Variants in ARHGEF10 observed in about 807,000 individuals in gnomAD.
ARHGEF10 encodes the protein Rho guanine nucleotide exchange factor 10, also known as Rho guanine nucleotide exchange factor (GEF) 10.
A neutral mutation model predicts 147.4 loss-of-function variants in ARHGEF10; 140 were observed. That is an observed-to-expected ratio of 0.95 (90% CI 0.83 to 1.09). ARHGEF10 has a LOEUF of 1.09. Among genes scored for constraint, ARHGEF10 ranks in the 50% least tolerant of loss-of-function variants. The probability of loss-of-function intolerance (pLI) is 0.00; values close to 1 mark genes in which losing one functional copy is unlikely to be tolerated. For missense variants in ARHGEF10, 2,222 were observed against 1,752.7 expected, an observed-to-expected ratio of 1.27 and a Z score of -4.78; for synonymous variants, 902 against 695.8, an observed-to-expected ratio of 1.30 and a Z score of -4.67.
intron 4 of ARHGEF10, 80 bp downstream of exon 4, chr8:1,860,264 C>T: frequency 2.0e-6 from 3 of 1,478,094 alleles, no homozygotes; most frequent in South Asian, 1.1e-5. Context: ...GCCTGTGGTT[C>T]CCTCCTCTGC....
intron 11 of ARHGEF10, among the ~76,000 whole-genome samples, chr8:1,886,961 G>A (rs866091405): frequency 4.6e-5 from 7 of 152,150 alleles, no homozygotes; most frequent in South Asian, 2.1e-4. Flanking sequence ...AGGATCTAGC[G>A]CTTTCTCCTG....
intron 4 of ARHGEF10, among the ~76,000 whole-genome samples, chr8:1,863,863 G>C (rs1806358134): frequency 6.6e-6 from 1 of 151,726 alleles, no homozygotes; most frequent in Non-Finnish European, 1.5e-5. Context: ...GTGGAGGGAT[G>C]TGAGCGTGTG....
rs1293526162 is a variant in ARHGEF10, at chr8:1,898,775, G to A, written c.1650+250G>A. Among the ~76,000 whole-genome samples the A allele has an allele frequency of 3.3e-5, 5 of 152,190 alleles. No individual in the cohort carries two copies. The East Asian group carries it at 9.7e-4, about 30-fold the overall frequency. ...GGGGACAGAGGGGATGGGCTGCGGG[G>A]AGGGGTGTTGTGGGCCCTGGCCTGC... On this transcript the variant is annotated intron_variant, in intron 15 of 28. Coordinates refer to ENST00000349830, the MANE Select transcript of ARHGEF10 (RefSeq NM_014629.4).
intron 1 of ARHGEF10, among the ~76,000 whole-genome samples, chr8:1,835,653 C>A (rs374920180): frequency 1.5e-4 from 23 of 152,332 alleles, no homozygotes; most frequent in African/African-American, 5.5e-4. Flanking sequence ...GCTCCCCTGA[C>A]CTCCTTTTGC....
Position 1,957,228 on chromosome 8 carries a change from G to A in ARHGEF10, c.4000G>A (p.Val1334Ile), listed in dbSNP as rs748072321. The A allele has an allele frequency of 3.3e-5, 53 of 1,611,526 alleles. No homozygotes were observed. The highest frequency in any genetic ancestry group is 4.5e-5 in the East Asian group (2 of 44,880). Residue 1334 changes from valine to isoleucine, a missense_variant, in exon 29 of 29, where the codon GTC becomes ATC. Coordinates refer to ENST00000349830, the MANE Select transcript of ARHGEF10 (RefSeq NM_014629.4). ...CCACCAGGAAGAGCTGGCGCCGACC[G>A]TCATGGTCTGGCAGATCCCTCTGCT... is the stretch of plus-strand genomic sequence containing the variant. ...QPHQEELAPT[V>I]MVWQIPLLNI
intron 28 of ARHGEF10, among the ~76,000 whole-genome samples, chr8:1,954,021 G>A (rs1815278162): frequency 6.6e-6 from 1 of 152,058 alleles, no homozygotes; most frequent in South Asian, 2.1e-4. Context: ...CCTAATTTAT[G>A]TTTTTATTAT....
intron 26 of ARHGEF10, among the ~76,000 whole-genome samples, chr8:1,935,094 A>G (rs772906147): frequency 1.1e-4 from 16 of 152,238 alleles, no homozygotes; most frequent in Non-Finnish European, 2.1e-4. Context: ...AACATTGCCT[A>G]TTAAAACAAG....
At chr8:1,904,727 C>G (rs1218222923) in intron 16 of ARHGEF10, among the ~76,000 whole-genome samples, 1 of 152,154 alleles carries the variant, frequency 6.6e-6, no homozygotes, top group African/African-American at 2.4e-5. Flanking sequence ...AGGCGGGTGT[C>G]TCGCTGGTTG....
intron 18 of ARHGEF10, among the ~76,000 whole-genome samples, chr8:1,913,585 A>G (rs746194245): frequency 6.2e-4 from 94 of 152,194 alleles, no homozygotes; most frequent in Admixed American, 7.9e-4. Context: ...TTTGCTTGTT[A>G]TTGGACCAGC....
chr8:1,923,904 G>C (rs748186441), intron 21 of ARHGEF10, 30 bp downstream of exon 21: 10 of 1,601,106 alleles, frequency 6.2e-6, no homozygotes, highest in Admixed American at 3.3e-5. Context: ...GGCTGAATGA[G>C]GCATGCGGCG....
At chr8:1,890,195 AGGGTGAGGGTTGTGAAGAGACACTGAGTG>A (rs1809367844) in intron 11 of ARHGEF10, among the ~76,000 whole-genome samples, 1 of 47,838 alleles carries the variant, frequency 2.1e-5, no homozygotes, top group African/African-American at 9.4e-5. Flanking sequence ...GACACTGAAT[AGGGTGAGGGTTGTGAAGAGACACTGAGTG>A]GGGTGAGGGT....
intron 1 of ARHGEF10, among the ~76,000 whole-genome samples, chr8:1,828,955 A>C (rs1802927198): frequency 6.6e-6 from 1 of 152,210 alleles, no homozygotes; most frequent in Non-Finnish European, 1.5e-5. Flanking sequence ...TTCTGTAAGG[A>C]ACATGAGAAA....
Position 1,957,859 on chromosome 8 carries a change from A to G in ARHGEF10, c.*596A>G, listed in dbSNP as rs1815701974. On this transcript the variant is annotated 3_prime_UTR_variant, in exon 29 of 29. Coordinates refer to ENST00000349830, the MANE Select transcript of ARHGEF10 (RefSeq NM_014629.4). ...CAAAGTGGTATAATGTGTGTACTGT[A>G]TATTTTAACAAAGTAATATTTTTGT... The G allele has an allele frequency of 6.6e-6, 1 of 152,462 alleles. No homozygotes were observed. The highest frequency in any genetic ancestry group is 2.4e-5 in the African/African-American group (1 of 41,464). The allele number at this position is 152,462 out of a possible 1,614,324, so 9.4% of individuals were successfully genotyped here. A position where few individuals can be genotyped will look rare whatever the true frequency, so the allele number is the denominator to read the frequency against.
At chr8:1,898,840 G>A (rs1172416336) in intron 15 of ARHGEF10, among the ~76,000 whole-genome samples, 1 of 152,274 alleles carries the variant, frequency 6.6e-6, no homozygotes, top group Non-Finnish European at 1.5e-5. Flanking sequence ...GGGGGGCCGC[G>A]GGGCTTGGTT....
Position 1,841,526 on chromosome 8 carries a change from A to C in ARHGEF10, c.-47-1827A>C, listed in dbSNP as rs12114758. On this transcript the variant is annotated intron_variant, in intron 1 of 28. Transcript: ENST00000349830. ...TTACGGTGTCCAGAGCAGCATCACC[A>C]GGCTCTTTCCCAGCTACCGGGGGCC... 5.4e-3 allele frequency among the ~76,000 whole-genome samples: 816 copies of C among 152,252 alleles called. 6 individuals are homozygous for C. The highest frequency in any genetic ancestry group is 0.019 in the African/African-American group (786 of 41,556).
chr8:1,869,946 T>C lies in ARHGEF10; in HGVS notation c.679+696T>C, dbSNP rs545464656. On this transcript the variant is annotated intron_variant, in intron 7 of 28. Transcript: ENST00000349830. The stretch of plus-strand genomic sequence containing the variant: ...CAGGAGGCAGAGCGGGGGAGCTTGC[T>C]GCCCATAGAATCTAAGGAAATAGTT... The C allele has an allele frequency of 1.4e-4, 22 of 155,492 alleles. No homozygotes were observed. In the South Asian group the frequency reaches 3.9e-3, roughly 28 times the overall value. The allele number at this position is 155,492 out of a possible 1,614,324, so 9.6% of individuals were successfully genotyped here.
intron 18 of ARHGEF10, among the ~76,000 whole-genome samples, chr8:1,912,627 G>C (rs1811455207): frequency 1.3e-5 from 2 of 152,200 alleles, no homozygotes; most frequent in Non-Finnish European, 2.9e-5. Context: ...TTCGACATCC[G>C]GAGTTATGAT....
At chr8:1,839,001 G>A (rs1047014369) in intron 1 of ARHGEF10, among the ~76,000 whole-genome samples, 4 of 152,028 alleles carry the variant, frequency 2.6e-5, no homozygotes, top group South Asian at 4.1e-4. Flanking sequence ...GCCATCTGGC[G>A]TGGATGCCGT....
Position 1,909,489 on chromosome 8 carries a change from C to G in ARHGEF10, c.2143+19C>G, listed in dbSNP as rs189151230. ...AAACCAAGTAAGTGATGCTTTCTCT[C>G]ACGTTCGTGCCGTGGGGCCAGGGTA... On this transcript the variant is annotated intron_variant, in intron 18 of 28. Transcript: ENST00000349830. The G allele has an allele frequency of 2.5e-6, 4 of 1,613,308 alleles. No homozygotes were observed. The highest frequency in any genetic ancestry group is 1.7e-5 in the Admixed American group (1 of 59,992).
Sources: gnomAD v4.1 joint callset for allele counts (sites outside exome capture counted in the v4.1 genomes callset) on GRCh38, gnomAD v4.1.1 for gene constraint, MANE v1.5 for transcripts, NCBI Gene and HGNC (gene_info 2026-07-23, HGNC 2026-07-21) for gene names.